The following LRP1B variants were observed in gnomAD, a reference collection of about 807,000 sequenced individuals.
LRP1B encodes the protein low-density lipoprotein receptor-related protein 1B.
In LRP1B, 217 loss-of-function variants were observed where a neutral mutation model predicts 556.6. That is an observed-to-expected ratio of 0.39 (90% CI 0.35 to 0.44). The LOEUF (loss-of-function observed/expected upper bound fraction) is 0.44, where lower values mean the gene tolerates loss of function less well. Among genes scored for constraint, LRP1B ranks in the 20% least tolerant of loss-of-function variants. LRP1B has a pLI of 1.00. For synonymous variants in LRP1B, 2,047 were observed against 1,865.8 expected (o/e 1.10, Z -2.50); for missense variants, 5,053 against 5,620.8 (o/e 0.90, Z 3.23).
intron 1 of LRP1B, among the ~76,000 whole-genome samples, chr2:142,034,067 C>T (rs1285123817): frequency 3.3e-5 from 5 of 151,694 alleles, no homozygotes; most frequent in South Asian, 4.1e-4. Context: ...GCATTTCCCA[C>T]GTGACCACTA....
rs143078450 is a variant in LRP1B, at chr2:142,113,642, A to G, written c.82+17006T>C. Among the ~76,000 whole-genome samples, 1,067 of 152,206 alleles carry G rather than the reference A, an allele frequency of 7.0e-3. 17 individuals are homozygous for G. The highest frequency in any genetic ancestry group is 0.024 in the African/African-American group (1,016 of 41,532). ...TAAAAACAAAACTAACTAACTAAAT[A>G]AATAAATACGTGTGTACATTGAAAC... On this transcript the variant is annotated intron_variant, in intron 1 of 90. Transcript: ENST00000389484.
intron 35 of LRP1B, among the ~76,000 whole-genome samples, chr2:140,733,473 C>T (rs2105504542): frequency 6.6e-6 from 1 of 152,144 alleles, no homozygotes; most frequent in Middle Eastern, 3.4e-3. Flanking sequence ...AAACAAACAT[C>T]TATCATTGCA....
chr2:141,221,156 C>G (rs1683019763), intron 6 of LRP1B, among the ~76,000 whole-genome samples: 1 of 151,850 alleles, frequency 6.6e-6, no homozygotes, highest in Non-Finnish European at 1.5e-5. Context: ...TTCAAGAGAC[C>G]CATCTCACAT....
intron 1 of LRP1B, among the ~76,000 whole-genome samples, chr2:141,922,183 TG>T (rs1246536843): frequency 2.0e-5 from 3 of 152,166 alleles, no homozygotes; most frequent in Non-Finnish European, 4.4e-5. Context: ...TAGGCATGCA[TG>T]AAAAAGTGTT....
intron 79 of LRP1B, among the ~76,000 whole-genome samples, chr2:140,327,749 T>C (rs561736258): frequency 3.3e-5 from 5 of 152,128 alleles, no homozygotes; most frequent in Non-Finnish European, 5.9e-5. Context: ...TAATCAACAA[T>C]ATTGTTTTTC....
chr2:141,034,200 C>A (rs1698461839), intron 11 of LRP1B, among the ~76,000 whole-genome samples: 1 of 152,220 alleles, frequency 6.6e-6, no homozygotes, highest in Middle Eastern at 3.4e-3. Context: ...GTTAGTCAGT[C>A]TGGTTCAATC....
At chr2:142,122,622 T>C (rs1220479720) in intron 1 of LRP1B, among the ~76,000 whole-genome samples, 1 of 152,054 alleles carries the variant, frequency 6.6e-6, no homozygotes, top group Non-Finnish European at 1.5e-5. Context: ...AGTAATTCCA[T>C]CTACAAATCT....
At chr2:140,523,361 C>T (rs912762642) in intron 49 of LRP1B, among the ~76,000 whole-genome samples, 1 of 151,670 alleles carries the variant, frequency 6.6e-6, no homozygotes, top group Middle Eastern at 3.2e-3. Flanking sequence ...TGATAACAAT[C>T]CTCGACAAAC....
chr2:141,726,275 C>T (rs1294020892), intron 2 of LRP1B, among the ~76,000 whole-genome samples: 15 of 150,012 alleles, frequency 1.0e-4, no homozygotes, highest in Admixed American at 8.6e-4. Flanking sequence ...AAGATTTGAA[C>T]CAAAAAATGT....
chr2:141,136,239 G>C (rs1045983155), intron 7 of LRP1B, among the ~76,000 whole-genome samples: 2 of 151,660 alleles, frequency 1.3e-5, no homozygotes, highest in Non-Finnish European at 2.9e-5. Context: ...TTTCACAGAG[G>C]GTTAACTGGA....
intron 7 of LRP1B, among the ~76,000 whole-genome samples, chr2:141,096,624 GAGGGGGAGAGAGAGA>G (rs1558858068): frequency 7.1e-5 from 3 of 42,534 alleles, no homozygotes; most frequent in African/African-American, 2.1e-4. Context: ...AAGACGGGGA[GAGGGGGAGAGAGAGA>G]GAGAGAGAGA....
chr2:141,234,438 G>A (rs946016468), intron 5 of LRP1B, among the ~76,000 whole-genome samples: 12 of 151,822 alleles, frequency 7.9e-5, no homozygotes, highest in African/African-American at 1.7e-4. Flanking sequence ...GTGCAGTGGC[G>A]TGACCTCAGC....
chr2:140,607,709 A>C (rs182794932), intron 41 of LRP1B, among the ~76,000 whole-genome samples: 1 of 152,002 alleles, frequency 6.6e-6, no homozygotes, highest in Admixed American at 6.6e-5. Context: ...ACAGGACACA[A>C]TTATAGAAAA....
chr2:140,758,634 G>C (rs971517063), intron 35 of LRP1B, among the ~76,000 whole-genome samples: 2 of 151,756 alleles, frequency 1.3e-5, no homozygotes, highest in Admixed American at 1.3e-4. Flanking sequence ...TACTTAACAG[G>C]GTTTTAAATG....
intron 31 of LRP1B, among the ~76,000 whole-genome samples, chr2:140,838,409 TC>T (rs1691988391): frequency 6.6e-6 from 1 of 152,146 alleles, no homozygotes; most frequent in Admixed American, 6.5e-5. Context: ...ACCCTGACTT[TC>T]AATTATGTAA....
chr2:141,503,263 AT>A (rs1683797710), intron 2 of LRP1B, among the ~76,000 whole-genome samples: 2 of 49,662 alleles, frequency 4.0e-5, no homozygotes, highest in Non-Finnish European at 9.5e-5. Flanking sequence ...ATATATAATA[AT>A]ATATAATACC....
intron 68 of LRP1B, among the ~76,000 whole-genome samples, chr2:140,376,699 C>A (rs534102466): frequency 2.6e-5 from 4 of 152,092 alleles, no homozygotes; most frequent in African/African-American, 9.7e-5. Flanking sequence ...AGCCCTCAGG[C>A]GAGAAATTAC....
chr2:141,188,319 T>C, intron 7 of LRP1B, 102 bp downstream of exon 7: 1 of 1,127,200 alleles, frequency 8.9e-7, no homozygotes, highest in Non-Finnish European at 1.3e-6. Flanking sequence ...CTAAAAAGTT[T>C]GAGTCTGTAG....
At chr2:140,739,597 T>C (rs1688069628) in intron 35 of LRP1B, among the ~76,000 whole-genome samples, 1 of 152,198 alleles carries the variant, frequency 6.6e-6, no homozygotes, top group African/African-American at 2.4e-5. Context: ...CTTATCATGT[T>C]CATCAAATCT....
Sources: gnomAD v4.1 joint callset for allele counts (sites outside exome capture counted in the v4.1 genomes callset) on GRCh38, gnomAD v4.1.1 for gene constraint, MANE v1.5 for transcripts, NCBI Gene and HGNC (gene_info 2026-07-23, HGNC 2026-07-21) for gene names.